The following RRM2B variants were observed in gnomAD, a reference collection of about 807,000 sequenced individuals.
The protein encoded by RRM2B is ribonucleotide reductase regulatory TP53 inducible subunit M2B.
A neutral mutation model predicts 45.9 loss-of-function variants in RRM2B; 20 were observed. That is an observed-to-expected ratio of 0.44 (90% CI 0.31 to 0.63). The LOEUF (loss-of-function observed/expected upper bound fraction) is 0.63, where lower values mean the gene tolerates loss of function less well. Among genes scored for constraint, RRM2B ranks in the 30% least tolerant of loss-of-function variants. RRM2B has a pLI of 0.09. For synonymous variants in RRM2B, 124 were observed against 132.3 expected, an observed-to-expected ratio of 0.94 and a Z score of 0.43; for missense variants, 320 against 414.7, an observed-to-expected ratio of 0.77 and a Z score of 1.98.
Position 102,226,020 on chromosome 8 carries a change from C to G in RRM2B, c.219G>C (p.Lys73Asn). The stretch of plus-strand genomic sequence containing the variant: ...TAAGCTTGTTCCAGTGAGGGAGATC[C>G]TTTGATAAGTCGACCTGGAATAAAA... The part of the protein sequence containing the change: ...FWTAEEVDLS[K>N]DLPHWNKLKA... The change falls in exon 3 of 9, where the codon AAG (lysine) becomes AAC (asparagine). Residue 73 changes from lysine (K) to asparagine (N), a missense_variant. This residue lies in a region of RRM2B where 225 missense variants were observed against 289.4 expected (regional missense o/e 0.78). Coordinates refer to ENST00000251810, the MANE Select transcript of RRM2B (RefSeq NM_015713.5). 1.2e-6 allele frequency: 2 copies of G among 1,604,184 alleles called. No homozygotes were observed. The highest frequency in any genetic ancestry group is 1.7e-6 in the Non-Finnish European group (2 of 1,171,186).
chr8:102,232,471 G>A (rs1811049638), intron 1 of RRM2B, among the ~76,000 whole-genome samples, 167 bp from the exon 2 acceptor site: 1 of 152,162 alleles, frequency 6.6e-6, no homozygotes, highest in African/African-American at 2.4e-5. Flanking sequence ...GTTAGGAAGT[G>A]CGTGTGTGAC....
At chr8:102,219,277 A>G (rs1345766539) in intron 5 of RRM2B, among the ~76,000 whole-genome samples, 1 of 152,248 alleles carries the variant, frequency 6.6e-6, no homozygotes, top group South Asian at 2.1e-4. Context: ...ACATGTGTGC[A>G]GTATGTATAC....
chr8:102,222,500 C>T (rs1810853900), intron 5 of RRM2B, among the ~76,000 whole-genome samples: 1 of 152,152 alleles, frequency 6.6e-6, no homozygotes, highest in Non-Finnish European at 1.5e-5. Context: ...TCCAAGAGTC[C>T]CTGAGAGATC....
In RRM2B at chr8:102,238,953, T is replaced by G. The variant is rs1175695730; in HGVS notation, c.-79A>C. On this transcript the variant is annotated 5_prime_UTR_variant, in exon 1 of 9. Transcript: ENST00000251810. ...ACCTCCAACTACGACAGCACCCAGG[T>G]GGTCCGCTGGTCCGCTGGGTCCGCC... The G allele has an allele frequency of 3.6e-6, 5 of 1,401,254 alleles. No homozygotes were observed. The East Asian group carries it at 7.0e-5, about 20-fold the overall frequency. 86.8% of individuals were successfully genotyped at this position (1,401,254 alleles called of 1,614,324 possible). A position where few individuals can be genotyped will look rare whatever the true frequency, so the allele number is the denominator to read the frequency against.
In RRM2B at chr8:102,232,177, G is replaced by T. The variant is rs758364917; in HGVS notation, c.176C>A (p.Ala59Glu). ...YPDIWKMYKQ[A>E]QASFWTAEEV... ...TTCTGCTGTCCAGAAGGAAGCCTGT[G>T]CCTGTTTATACATTTTCCAAATATC... The change falls in exon 2 of 9, where the codon GCA becomes GAA. Residue 59 changes from alanine to glutamate, a missense_variant. Around this residue, in one of 3 missense-constraint regions of RRM2B, gnomAD observed 225 missense variants for 289.4 expected, o/e 0.78. Transcript: ENST00000251810. 1.2e-6 allele frequency: 2 copies of T among 1,614,170 alleles called. No homozygotes were observed. The highest frequency in any genetic ancestry group is 1.7e-6 in the Non-Finnish European group (2 of 1,180,000).
chr8:102,231,277 C>T (rs1017443875), intron 2 of RRM2B, among the ~76,000 whole-genome samples: 8 of 152,316 alleles, frequency 5.3e-5, no homozygotes, highest in African/African-American at 9.6e-5. Context: ...AAGCTTTCTA[C>T]AGCTGATCTA....
chr8:102,225,643 G>A (rs1306583882), intron 3 of RRM2B, among the ~76,000 whole-genome samples: 2 of 152,188 alleles, frequency 1.3e-5, no homozygotes, highest in African/African-American at 4.8e-5. Flanking sequence ...AAAGGTTAAG[G>A]TGCAGGTTCT....
At chr8:102,211,048 G>T (rs140118954) in intron 8 of RRM2B, among the ~76,000 whole-genome samples, 2 of 151,770 alleles carry the variant, frequency 1.3e-5, no homozygotes, top group African/African-American at 4.8e-5. Flanking sequence ...GTCTCACTCT[G>T]TTGCTCAGGC....
Position 102,207,502 on chromosome 8 carries a change from A to C in RRM2B, c.*631T>G, listed in dbSNP as rs1326028780. On this transcript the variant is annotated 3_prime_UTR_variant, in exon 9 of 9. Coordinates refer to ENST00000251810, the MANE Select transcript of RRM2B (RefSeq NM_015713.5). ...TCTTCACTACATACTAAGGAATTCAAAGAACTTATTCTTGCGTGAATGAGA... is the reference window on the plus strand; with the variant it reads ...TCTTCACTACATACTAAGGAATTCACAGAACTTATTCTTGCGTGAATGAGA... 1 of 152,260 alleles carries C rather than the reference A, an allele frequency of 6.6e-6. No homozygotes were observed. Among genetic ancestry groups the C allele is most frequent in the Non-Finnish European group, 1.5e-5 (1 of 68,054 alleles). 9.4% of individuals were successfully genotyped at this position (152,260 alleles called of 1,614,324 possible). A position where few individuals can be genotyped will look rare whatever the true frequency, so the allele number is the denominator to read the frequency against.
intron 8 of RRM2B, among the ~76,000 whole-genome samples, chr8:102,211,150 T>G (rs1331177555): frequency 6.7e-6 from 1 of 149,762 alleles, no homozygotes; most frequent in Non-Finnish European, 1.5e-5. Context: ...TAACTGGGAC[T>G]ACAGGCATGC....
intron 2 of RRM2B, among the ~76,000 whole-genome samples, chr8:102,226,858 C>A (rs1045772221): frequency 6.6e-6 from 1 of 152,072 alleles, no homozygotes; most frequent in East Asian, 1.9e-4. Context: ...GGACTACAGG[C>A]AGGCGCCACC....
At chr8:102,208,326 C>A (rs200159781) in intron 8 of RRM2B, 41 bp from the exon 9 acceptor site, 4 of 1,377,168 alleles carry the variant, frequency 2.9e-6, no homozygotes, top group Non-Finnish European at 3.1e-6. Flanking sequence ...CTGAAGAGAT[C>A]AAATTACATC....
intron 2 of RRM2B, among the ~76,000 whole-genome samples, chr8:102,231,711 A>C (rs1474866538): frequency 6.6e-6 from 1 of 151,558 alleles, no homozygotes; most frequent in Non-Finnish European, 1.5e-5. Context: ...TCTACTAAAA[A>C]TACAAAAATT....
At position 102,206,569 on chromosome 8, in the gene RRM2B, T is replaced by A. The variant is rs929351400; in HGVS notation, c.*1564A>T. On this transcript the variant is annotated 3_prime_UTR_variant, in exon 9 of 9. Transcript: ENST00000251810. ...AGCCAAAATTTATGCAAAGAGAAAA[T>A]CTCTAAGTTTTAGCATCCAGAATTG... 2 of 152,052 alleles carry A rather than the reference T, an allele frequency of 1.3e-5. No homozygotes were observed. The highest frequency in any genetic ancestry group is 4.8e-5 in the African/African-American group (2 of 41,402). The allele number at this position is 152,052 out of a possible 1,614,324, so 9.4% of individuals were successfully genotyped here.
chr8:102,211,867 G>T (rs1337243136), intron 8 of RRM2B, among the ~76,000 whole-genome samples: 1 of 152,090 alleles, frequency 6.6e-6, no homozygotes, highest in Non-Finnish European at 1.5e-5. Flanking sequence ...GTACCTGGGT[G>T]GTTATCAGAA....
At chr8:102,228,511 T>G (rs1288604881) in intron 2 of RRM2B, among the ~76,000 whole-genome samples, 1 of 152,180 alleles carries the variant, frequency 6.6e-6, no homozygotes, top group Non-Finnish European at 1.5e-5. Context: ...AACTGCCCCA[T>G]GTGAAAAGGC....
chr8:102,232,359 A>G, intron 1 of RRM2B, 55 bp from the exon 2 acceptor site: 2 of 1,535,550 alleles, frequency 1.3e-6, no homozygotes, highest in East Asian at 4.5e-5. Context: ...TTCTTTATTC[A>G]TACCTAAACA....
chr8:102,214,689 G>A (rs1048109195), intron 6 of RRM2B, among the ~76,000 whole-genome samples: 1 of 148,518 alleles, frequency 6.7e-6, no homozygotes, highest in Non-Finnish European at 1.5e-5. Context: ...GGTCAAGGTG[G>A]GCAGACTGCT....
At chr8:102,211,300 G>A (rs1407917585) in intron 8 of RRM2B, among the ~76,000 whole-genome samples, 6 of 152,154 alleles carry the variant, frequency 3.9e-5, no homozygotes, top group African/African-American at 7.2e-5. Context: ...CTGGCCTAAC[G>A]GATATATTTT....
Sources: allele counts gnomAD v4.1 joint callset (sites outside exome capture counted in the v4.1 genomes callset), GRCh38; gene constraint gnomAD v4.1.1; regional missense constraint gnomAD v4.1.1; transcripts MANE v1.5; gene names NCBI Gene and HGNC (gene_info 2026-07-23, HGNC 2026-07-21).